The following EPG5 variants were observed in gnomAD, a reference collection of about 807,000 sequenced individuals.
EPG5 encodes the protein ectopic P granules protein 5 homolog.
Under a neutral mutation model 302.7 loss-of-function variants are expected in EPG5, and 159 were observed. The ratio of observed to expected loss-of-function variants is 0.53; its 90% CI spans 0.46 to 0.60. The LOEUF is 0.60. EPG5 is among the 20% of genes least tolerant of loss of function. The pLI, the probability that EPG5 is intolerant of heterozygous loss-of-function variation, is 0.00. For synonymous variants in EPG5, 1,158 were observed against 1,136.8 expected, an observed-to-expected ratio of 1.02 and a Z score of -0.37; for missense variants, 2,896 against 3,092.4, an observed-to-expected ratio of 0.94 and a Z score of 1.51.
rs558849939 is a variant in EPG5, at chr18:45,848,793, T to G, written c.*3674A>C. On this transcript the variant is annotated 3_prime_UTR_variant, in exon 44 of 44. Transcript: ENST00000282041. ...GGTGGAAAAGGTCTAACTAAAGACA[T>G]TGCAGGGGAGATGGGCGCGGTGGCT... The G allele has an allele frequency of 2.0e-5, 3 of 152,360 alleles. No homozygotes were observed. The highest frequency in any genetic ancestry group is 7.2e-5 in the African/African-American group (3 of 41,558). 9.4% of individuals were successfully genotyped at this position (152,360 alleles called of 1,614,324 possible).
the EPG5 span, among the ~76,000 whole-genome samples, chr18:45,822,319 C>T: frequency 2.0e-5 from 3 of 151,880 alleles, no homozygotes; most frequent in African/African-American, 4.8e-5. Flanking sequence ...TATTCTCACT[C>T]GTATGCAGAA....
intron 43 of EPG5, chr18:45,855,259 C>G (rs988218089): frequency 4.9e-6 from 1 of 203,020 alleles, no homozygotes; most frequent in African/African-American, 2.3e-5. Context: ...CCAGCTCCAG[C>G]CCCTGCCCCA....
At chr18:45,864,549 G>A (rs1000026460) in intron 39 of EPG5, among the ~76,000 whole-genome samples, 15 of 151,768 alleles carry the variant, frequency 9.9e-5, no homozygotes, top group Admixed American at 8.5e-4. Context: ...CATTTCTGAC[G>A]CTGCTGTTGT....
chr18:45,910,747 A>G lies in EPG5; in HGVS notation c.3984-5T>C. The G allele has an allele frequency of 6.2e-7, 1 of 1,609,514 alleles. No individual in the cohort carries two copies. Among genetic ancestry groups the G allele is most frequent in the Non-Finnish European group, 8.5e-7 (1 of 1,176,202 alleles). On this transcript the variant is annotated splice_polypyrimidine_tract_variant and splice_region_variant and intron_variant, in intron 22 of 43. Coordinates refer to ENST00000282041, the MANE Select transcript of EPG5 (RefSeq NM_020964.3). ...ATACAACCATCTATGGGTAACCTTA[A>G]AAAACACAAGCACAGATCTATAACC...
At chr18:45,812,382 A>G in the EPG5 span, among the ~76,000 whole-genome samples, 33 of 152,308 alleles carry the variant, frequency 2.2e-4, no homozygotes, top group Non-Finnish European at 3.1e-4. Context: ...CCATCAAGCT[A>G]CCAATGACTT....
chr18:45,911,346 C>T (rs750975398), intron 22 of EPG5, among the ~76,000 whole-genome samples: 1 of 150,888 alleles, frequency 6.6e-6, no homozygotes, highest in Admixed American at 6.6e-5. Flanking sequence ...AGTGCACTGG[C>T]GTGATCACAG....
chr18:45,806,094 C>G, the EPG5 span, among the ~76,000 whole-genome samples: 13 of 152,286 alleles, frequency 8.5e-5, no homozygotes, highest in Admixed American at 3.9e-4. Context: ...TCTGGGCACA[C>G]TGTAAATCCA....
At chr18:45,892,708 C>T (rs74499993) in intron 27 of EPG5, among the ~76,000 whole-genome samples, 21,774 of 152,152 alleles carry the variant, frequency 0.14, 2,186 homozygotes, top group Admixed American at 0.29. Context: ...TGTCTCACTT[C>T]CCATAAAATA....
At position 45,898,833 on chromosome 18, in the gene EPG5, T is replaced by C. The variant is rs1057070625; in HGVS notation, c.4809+571A>G. ...CTAACTGTATCATCACCAAAGTCTTTTAATCAATTGAGACCGGACGCGGTG... is the reference window on the plus strand; with the variant it reads ...CTAACTGTATCATCACCAAAGTCTTCTAATCAATTGAGACCGGACGCGGTG... On this transcript the variant is annotated intron_variant, in intron 27 of 43. Transcript: ENST00000282041. Among the ~76,000 whole-genome samples, 4 of 152,138 alleles carry C rather than the reference T, an allele frequency of 2.6e-5. No individual in the cohort carries two copies. In the South Asian group the frequency reaches 8.3e-4, roughly 31 times the overall value.
Position 45,889,955 on chromosome 18 carries a change from A to G in EPG5, c.4810-15T>C, listed in dbSNP as rs775709794. On this transcript the variant is annotated splice_polypyrimidine_tract_variant and intron_variant, in intron 27 of 43. Transcript: ENST00000282041. ...ATGCCTTCAAACTAACAAAAATTAAAGTTATCAAAAGACATTTCCCCCCAT... is the reference window on the plus strand; with the variant it reads ...ATGCCTTCAAACTAACAAAAATTAAGGTTATCAAAAGACATTTCCCCCCAT... 2 of 1,551,018 alleles carry G rather than the reference A, an allele frequency of 1.3e-6. No homozygotes were observed. Among genetic ancestry groups the G allele is most frequent in the South Asian group, 2.4e-5 (2 of 83,762 alleles).
rs1315358261 is a variant in EPG5, at chr18:45,878,997, A to G, written c.5869+16T>C. ...GTCCAAACACCTAGCTCCACATCGC[A>G]TGAGAAGTATATTACCTGTTTTCCT... is the stretch of plus-strand genomic sequence containing the variant. On this transcript the variant is annotated intron_variant, in intron 33 of 43. Transcript: ENST00000282041. 6.2e-7 allele frequency: 1 copy of G among 1,610,076 alleles called. No individual in the cohort carries two copies. Among genetic ancestry groups the G allele is most frequent in the South Asian group, 1.1e-5 (1 of 90,866 alleles).
chr18:45,878,907 C>T, intron 33 of EPG5, 106 bp downstream of exon 33: 1 of 872,078 alleles, frequency 1.1e-6, no homozygotes, highest in South Asian at 1.6e-5. Context: ...TATATTTCTA[C>T]TTTCTCTCCT....
chr18:45,824,608 G>A, the EPG5 span, among the ~76,000 whole-genome samples: 1 of 152,232 alleles, frequency 6.6e-6, no homozygotes, highest in Non-Finnish European at 1.5e-5. Context: ...TGACCAAGAA[G>A]TTGAAGGAGT....
At chr18:45,871,432 A>G (rs923089733) in intron 35 of EPG5, among the ~76,000 whole-genome samples, 1 of 152,230 alleles carries the variant, frequency 6.6e-6, no homozygotes, top group Admixed American at 6.5e-5. Context: ...TTCTGGGTAT[A>G]TATCCAAAAG....
intron 11 of EPG5, among the ~76,000 whole-genome samples, chr18:45,931,765 G>A (rs1300584488): frequency 2.0e-5 from 3 of 152,108 alleles, no homozygotes; most frequent in African/African-American, 7.2e-5. Flanking sequence ...AACCTGGGAG[G>A]CGGAGGTTGC....
rs202038268 is a variant in EPG5 at position 45,867,571 on chromosome 18, C to T, written c.6403G>A (p.Asp2135Asn). ...ILLAKEVQLV[D>N]QTDSPLLSLL... ...AAGCTTCCCAAACTTACTGTTTGGTCTACCAGTTGAACTTCCTTTGCCAAT... is the reference window on the plus strand; with the variant it reads ...AAGCTTCCCAAACTTACTGTTTGGTTTACCAGTTGAACTTCCTTTGCCAAT... The change falls in exon 37 of 44, where the codon GAC (aspartate) becomes AAC (asparagine). Residue 2135 changes from aspartate to asparagine, a missense_variant. By Grantham distance (23) the Asp-to-Asn change is conservative (BLOSUM62 1). Around this residue, in one of 5 missense-constraint regions of EPG5, gnomAD observed 620 missense variants for 704.2 expected, o/e 0.88. Transcript: ENST00000282041. 591 of 1,613,642 alleles carry T rather than the reference C, an allele frequency of 3.7e-4. No homozygotes were observed. Among genetic ancestry groups the T allele is most frequent in the Non-Finnish European group, 4.6e-4 (538 of 1,179,824 alleles).
intron 1 of EPG5, among the ~76,000 whole-genome samples, chr18:45,962,796 T>C (rs2051177409): frequency 6.6e-6 from 1 of 152,206 alleles, no homozygotes; most frequent in African/African-American, 2.4e-5. Flanking sequence ...AAAGGTTTCA[T>C]TAATATAGGA....
At chr18:45,935,070 T>A in intron 10 of EPG5, 104 bp from the exon 11 acceptor site, 2 of 1,225,114 alleles carry the variant, frequency 1.6e-6, no homozygotes, top group Non-Finnish European at 2.3e-6. Context: ...TAAATCACAC[T>A]ATGATTTTTC....
the EPG5 span, among the ~76,000 whole-genome samples, chr18:45,821,646 G>A: frequency 3.9e-5 from 6 of 152,188 alleles, no homozygotes; most frequent in East Asian, 1.9e-4. Context: ...AGCAATGGAA[G>A]TAATCAGCAG....
Sources: allele counts gnomAD v4.1 joint callset (sites outside exome capture counted in the v4.1 genomes callset), GRCh38; gene constraint gnomAD v4.1.1; regional missense constraint gnomAD v4.1.1; transcripts MANE v1.5; gene names NCBI Gene and HGNC (gene_info 2026-07-23, HGNC 2026-07-21).